The following URI1 variants were observed in gnomAD, a reference collection of about 807,000 sequenced individuals.
URI1 encodes the protein URI1 prefoldin like chaperone, also known as unconventional prefoldin RPB5 interactor 1.
URI1 carries 39 observed loss-of-function variants against 60.2 expected under a neutral mutation model. The observed-to-expected ratio is 0.65, with a 90% CI of 0.50 to 0.85. The LOEUF is 0.85. URI1 is among the 40% of genes least tolerant of loss of function. The probability of loss-of-function intolerance (pLI) is 0.00; values close to 1 mark genes in which losing one functional copy is unlikely to be tolerated. For missense variants in URI1, 691 were observed against 665.9 expected, an observed-to-expected ratio of 1.04 and a Z score of -0.42; for synonymous variants, 251 against 236.8, an observed-to-expected ratio of 1.06 and a Z score of -0.55.
At chr19:29,966,801 G>A (rs567947152) in intron 1 of URI1, among the ~76,000 whole-genome samples, 1 of 152,288 alleles carries the variant, frequency 6.6e-6, no homozygotes, top group East Asian at 1.9e-4. Flanking sequence ...TCTAGCAGGA[G>A]AAGCAAACTA....
At chr19:29,951,700 C>T (rs1337939519) in intron 1 of URI1, among the ~76,000 whole-genome samples, 7 of 152,156 alleles carry the variant, frequency 4.6e-5, no homozygotes, top group African/African-American at 7.2e-5. Flanking sequence ...GCCTCTGCCA[C>T]CACGCCCAGC....
chr19:29,942,349 G>C lies in URI1; in HGVS notation c.-199G>C. ...CGGAGCCCGCTGCGGGGCGGCGGCGGCGGGGACATGCACGTGTGAGATGCG... is the reference window on the plus strand; with the variant it reads ...CGGAGCCCGCTGCGGGGCGGCGGCGCCGGGGACATGCACGTGTGAGATGCG... On this transcript the variant is annotated 5_prime_UTR_variant, in exon 1 of 11. Coordinates refer to ENST00000392271, the MANE Select transcript of URI1 (RefSeq NM_003796.3). 1 of 984,826 alleles carries C rather than the reference G, an allele frequency of 1.0e-6. No individual in the cohort carries two copies. The highest frequency in any genetic ancestry group is 1.2e-6 in the Non-Finnish European group (1 of 829,622). The allele number at this position is 984,826 out of a possible 1,614,324, so 61.0% of individuals were successfully genotyped here. A position where few individuals can be genotyped will look rare whatever the true frequency, so the allele number is the denominator to read the frequency against.
chr19:29,975,793 AC>A (rs2055514669), intron 2 of URI1, among the ~76,000 whole-genome samples: 1 of 152,158 alleles, frequency 6.6e-6, no homozygotes, highest in Admixed American at 6.5e-5. Flanking sequence ...GGTGTGAGCC[AC>A]CGCACCCGGC....
chr19:29,959,463 C>A (rs761647494), intron 1 of URI1, among the ~76,000 whole-genome samples: 1 of 152,166 alleles, frequency 6.6e-6, no homozygotes, highest in African/African-American at 2.4e-5. Flanking sequence ...TGGAAGAGTT[C>A]ATCAACAAAG....
chr19:30,013,064 A>G (rs896782241), intron 10 of URI1, among the ~76,000 whole-genome samples: 1 of 152,198 alleles, frequency 6.6e-6, no homozygotes, highest in Non-Finnish European at 1.5e-5. Context: ...CACACTCAAT[A>G]CACTTTCACC....
At chr19:29,987,585 C>G (rs2055688047) in intron 4 of URI1, among the ~76,000 whole-genome samples, 1 of 152,120 alleles carries the variant, frequency 6.6e-6, no homozygotes, top group Non-Finnish European at 1.5e-5. Flanking sequence ...CGAAGCCTCT[C>G]TTTATATACT....
chr19:30,004,056 A>G (rs2055909526), intron 4 of URI1, among the ~76,000 whole-genome samples: 1 of 151,992 alleles, frequency 6.6e-6, no homozygotes, highest in Non-Finnish European at 1.5e-5. Flanking sequence ...TCTGAGTCTG[A>G]CCTTTCTGCA....
intron 2 of URI1, among the ~76,000 whole-genome samples, chr19:29,975,597 G>A (rs967995852): frequency 6.6e-6 from 1 of 151,344 alleles, no homozygotes; most frequent in Non-Finnish European, 1.5e-5. Flanking sequence ...TCTGCCTCGC[G>A]GGTTCAAGCT....
At chr19:29,981,456 T>C (rs895828496) in intron 2 of URI1, among the ~76,000 whole-genome samples, 34 of 152,178 alleles carry the variant, frequency 2.2e-4, no homozygotes, top group African/African-American at 8.0e-4. Flanking sequence ...TGTGGTTGTG[T>C]TAATGGTCTT....
intron 1 of URI1, among the ~76,000 whole-genome samples, chr19:29,970,111 T>TA (rs1186917100): frequency 1.4e-5 from 2 of 142,484 alleles, no homozygotes; most frequent in Non-Finnish European, 3.0e-5. Flanking sequence ...GTGACAGGTC[T>TA]AAAAAAAATC....
At chr19:29,953,079 G>GAGAAAATTCATCT (rs1241155477) in intron 1 of URI1, among the ~76,000 whole-genome samples, 1 of 152,054 alleles carries the variant, frequency 6.6e-6, no homozygotes, top group Non-Finnish European at 1.5e-5. Context: ...TGTTGATTTT[G>GAGAAAATTCATCT]AGAAAATTCA....
chr19:30,009,525 TTTAG>T (rs2055992239), intron 8 of URI1, among the ~76,000 whole-genome samples, 172 bp downstream of exon 8: 1 of 151,888 alleles, frequency 6.6e-6, no homozygotes, highest in Non-Finnish European at 1.5e-5. Context: ...GGAAAAAAAA[TTTAG>T]TTAGCTGGTA....
At chr19:29,996,268 TTTG>T (rs1354934693) in intron 4 of URI1, among the ~76,000 whole-genome samples, 1 of 152,218 alleles carries the variant, frequency 6.6e-6, no homozygotes, top group African/African-American at 2.4e-5. Flanking sequence ...TTGTGTCTTA[TTTG>T]TTTTAGCAAC....
chr19:29,926,270 TCCTTCCTTCC>T, intron 1 of URI1, among the ~76,000 whole-genome samples: 1 of 143,020 alleles, frequency 7.0e-6, no homozygotes, highest in African/African-American at 2.7e-5. Context: ...CTTCCTTCCT[TCCTTCCTTCC>T]TTCCTACCTT....
chr19:29,983,857 G>A (rs1406400233), intron 2 of URI1, among the ~76,000 whole-genome samples: 1 of 152,140 alleles, frequency 6.6e-6, no homozygotes, highest in Non-Finnish European at 1.5e-5. Flanking sequence ...ATACCTTTTG[G>A]TTGTTTGAAA....
At chr19:29,964,858 T>TG (rs1490453129) in intron 1 of URI1, among the ~76,000 whole-genome samples, 1 of 151,744 alleles carries the variant, frequency 6.6e-6, no homozygotes, top group Non-Finnish European at 1.5e-5. Context: ...TTTTCCTGTT[T>TG]TTTTTTTTTT....
At chr19:29,980,633 A>AAC (rs1333283773) in intron 2 of URI1, among the ~76,000 whole-genome samples, 10 of 147,970 alleles carry the variant, frequency 6.8e-5, no homozygotes, top group South Asian at 4.2e-4. Context: ...AAAAAAAAAA[A>AAC]AAAAAACTGG....
chr19:29,987,318 A>G (rs2055684066), intron 4 of URI1, among the ~76,000 whole-genome samples: 1 of 152,220 alleles, frequency 6.6e-6, no homozygotes, highest in Admixed American at 6.5e-5. Flanking sequence ...TCACTTATAC[A>G]TGAATGAGTA....
intron 4 of URI1, among the ~76,000 whole-genome samples, chr19:29,994,911 G>T (rs1253230832): frequency 6.6e-6 from 1 of 151,872 alleles, no homozygotes; most frequent in African/African-American, 2.4e-5. Context: ...CTCCTGAGTA[G>T]CTGGGACTAC....
Sources: allele counts gnomAD v4.1 joint callset (sites outside exome capture counted in the v4.1 genomes callset), GRCh38; gene constraint gnomAD v4.1.1; transcripts MANE v1.5; gene names NCBI Gene and HGNC (gene_info 2026-07-23, HGNC 2026-07-21).